ELOVL5: variants seen among roughly 807,000 people sequenced by gnomAD.
ELOVL5 encodes the protein very long chain fatty acid elongase 5.
ELOVL5 carries 8 observed loss-of-function variants against 38.6 expected under a neutral mutation model. The ratio of observed to expected loss-of-function variants is 0.21; its 90% CI spans 0.12 to 0.37. The LOEUF (loss-of-function observed/expected upper bound fraction) is 0.37, where lower values mean the gene tolerates loss of function less well. ELOVL5 is among the 10% of genes least tolerant of loss of function. ELOVL5 has a pLI of 1.00. For synonymous variants in ELOVL5, 127 were observed against 133.7 expected, an observed-to-expected ratio of 0.95 and a Z score of 0.34; for missense variants, 280 against 367.8, an observed-to-expected ratio of 0.76 and a Z score of 1.95.
intron 7 of ELOVL5, 114 bp downstream of exon 7, chr6:53,270,479 A>C: frequency 8.6e-7 from 1 of 1,168,536 alleles, no homozygotes; most frequent in Non-Finnish European, 1.2e-6. Flanking sequence ...TGACTCCATT[A>C]GAGGCCAGAG....
chr6:53,284,945 G>C (rs985351983), intron 3 of ELOVL5, among the ~76,000 whole-genome samples: 2 of 152,170 alleles, frequency 1.3e-5, no homozygotes, highest in Non-Finnish European at 2.9e-5. Context: ...CTGCTCCACA[G>C]ACTTGCTGTT....
At chr6:53,321,550 T>C (rs1011335837) in intron 1 of ELOVL5, among the ~76,000 whole-genome samples, 3 of 152,166 alleles carry the variant, frequency 2.0e-5, no homozygotes, top group Admixed American at 2.0e-4. Context: ...GCCAATTAGG[T>C]CGAAGAGTCT....
intron 1 of ELOVL5, among the ~76,000 whole-genome samples, chr6:53,298,866 C>G (rs1767127297): frequency 7.1e-6 from 1 of 140,416 alleles, no homozygotes; most frequent in Non-Finnish European, 1.5e-5. Flanking sequence ...CTAACACACC[C>G]CTAGAGAGAC....
chr6:53,314,429 T>C (rs1228405883), intron 1 of ELOVL5, among the ~76,000 whole-genome samples: 2 of 152,142 alleles, frequency 1.3e-5, no homozygotes, highest in African/African-American at 2.4e-5. Flanking sequence ...GAGAAACAAA[T>C]ACCTATTCCT....
intron 1 of ELOVL5, among the ~76,000 whole-genome samples, chr6:53,324,660 G>C (rs1768444332): frequency 1.1e-5 from 1 of 92,988 alleles, no homozygotes; most frequent in South Asian, 4.2e-4. Context: ...GGTGACAAGA[G>C]GGAGATCCTG....
At chr6:53,291,071 C>A (rs1034987211) in intron 3 of ELOVL5, among the ~76,000 whole-genome samples, 2 of 152,124 alleles carry the variant, frequency 1.3e-5, no homozygotes, top group East Asian at 1.9e-4. Context: ...CTTTCCTCCC[C>A]CTTTTAGCTT....
At chr6:53,300,118 A>C (rs988793265) in intron 1 of ELOVL5, among the ~76,000 whole-genome samples, 1 of 152,104 alleles carries the variant, frequency 6.6e-6, no homozygotes, top group Admixed American at 6.5e-5. Context: ...GGACTCTGGC[A>C]TGTTCAGTAT....
chr6:53,282,977 C>A (rs1766417221), intron 3 of ELOVL5, among the ~76,000 whole-genome samples: 1 of 152,170 alleles, frequency 6.6e-6, no homozygotes, highest in African/African-American at 2.4e-5. Flanking sequence ...TCACAGCCCA[C>A]AATTACAGAG....
chr6:53,320,533 C>T (rs1197319819), intron 1 of ELOVL5, among the ~76,000 whole-genome samples: 4 of 151,950 alleles, frequency 2.6e-5, no homozygotes, highest in Non-Finnish European at 5.9e-5. Flanking sequence ...AATGGGGTTT[C>T]ACCATGGTCT....
chr6:53,306,135 G>C (rs1035261287), intron 1 of ELOVL5, among the ~76,000 whole-genome samples: 1 of 149,576 alleles, frequency 6.7e-6, no homozygotes, highest in Admixed American at 6.6e-5. Context: ...GGAGGTTGCA[G>C]TGAGCCGAGA....
chr6:53,320,571 C>T (rs1219412075), intron 1 of ELOVL5, among the ~76,000 whole-genome samples: 1 of 152,000 alleles, frequency 6.6e-6, no homozygotes, highest in Admixed American at 6.5e-5. Context: ...GATCCACCCA[C>T]CTCGGCCTCC....
chr6:53,269,068 C>G lies in ELOVL5; in HGVS notation c.*59G>C. 6.3e-7 allele frequency: 1 copy of G among 1,583,164 alleles called. No homozygotes were observed. Among genetic ancestry groups the G allele is most frequent in the Non-Finnish European group, 8.6e-7 (1 of 1,162,266 alleles). On this transcript the variant is annotated 3_prime_UTR_variant, in exon 8 of 8. Coordinates refer to ENST00000304434, the MANE Select transcript of ELOVL5 (RefSeq NM_021814.5). Reference sequence around the variant, plus strand: ...GCAGCTGTTAACGAGCATTGGGGCACAACTCATATTGTGCTTACAATCAGA... The same window carrying G: ...GCAGCTGTTAACGAGCATTGGGGCAGAACTCATATTGTGCTTACAATCAGA...
chr6:53,280,268 A>G (rs1026991669), intron 3 of ELOVL5, among the ~76,000 whole-genome samples: 1 of 152,218 alleles, frequency 6.6e-6, no homozygotes, highest in Non-Finnish European at 1.5e-5. Flanking sequence ...AGGCCATCAC[A>G]AACAGCTAAC....
chr6:53,298,906 G>GA (rs956116928), intron 1 of ELOVL5, among the ~76,000 whole-genome samples: 1 of 149,236 alleles, frequency 6.7e-6, no homozygotes, highest in South Asian at 2.2e-4. Flanking sequence ...AAGGCGGGGG[G>GA]GGGGAGTTGA....
chr6:53,305,604 T>C (rs973729846), intron 1 of ELOVL5, among the ~76,000 whole-genome samples: 4 of 122,814 alleles, frequency 3.3e-5, no homozygotes, highest in African/African-American at 6.3e-5. Context: ...TCTCAGACGA[T>C]GGGCGGCCGG....
At chr6:53,334,064 G>A (rs763080282) in intron 1 of ELOVL5, among the ~76,000 whole-genome samples, 1 of 152,124 alleles carries the variant, frequency 6.6e-6, no homozygotes, top group Non-Finnish European at 1.5e-5. Flanking sequence ...TTTAATCACT[G>A]CAACCAAGTT....
chr6:53,305,401 G>T (rs1407037858), intron 1 of ELOVL5, among the ~76,000 whole-genome samples: 1 of 149,796 alleles, frequency 6.7e-6, no homozygotes, highest in Non-Finnish European at 1.5e-5. Context: ...CCTCCCTCCC[G>T]GGCGGGGTGG....
Position 53,324,691 on chromosome 6 carries a change from A to AAAAAAAAAC in ELOVL5, c.-9+24125_-9+24126insGTTTTTTTT, listed in dbSNP as rs70980840. On this transcript the variant is annotated intron_variant, in intron 1 of 7. Coordinates refer to ENST00000304434, the MANE Select transcript of ELOVL5 (RefSeq NM_021814.5). ...TCCTGTCAAAAAAAAAAAAAAAAAA[A>AAAAAAAAAC]GGAAAAGAAATAGAATCAGGAAGGA... Among the ~76,000 whole-genome samples the AAAAAAAAAC allele has an allele frequency of 8.1e-3, 958 of 118,038 alleles. 139 individuals are homozygous for AAAAAAAAAC. The highest frequency in any genetic ancestry group is 0.027 in the African/African-American group (746 of 27,340). The allele number at this position is 118,038 out of a possible 152,430, so 77.4% of individuals were successfully genotyped here.
intron 1 of ELOVL5, among the ~76,000 whole-genome samples, chr6:53,298,742 A>G (rs1456084176): frequency 2.6e-5 from 4 of 152,042 alleles, no homozygotes; most frequent in South Asian, 2.1e-4. Flanking sequence ...ATTACAGTGG[A>G]AACAATCAAT....
Sources: gnomAD v4.1 joint callset for allele counts (sites outside exome capture counted in the v4.1 genomes callset) on GRCh38, gnomAD v4.1.1 for gene constraint, MANE v1.5 for transcripts, NCBI Gene and HGNC (gene_info 2026-07-23, HGNC 2026-07-21) for gene names.